The following IFNGR2 variants were observed in gnomAD, a reference collection of about 807,000 sequenced individuals.
IFNGR2 encodes the protein IFN-gamma receptor 2.
A neutral mutation model predicts 41.1 loss-of-function variants in IFNGR2; 15 were observed. That is an observed-to-expected ratio of 0.37 (90% confidence interval 0.24 to 0.56). The LOEUF (loss-of-function observed/expected upper bound fraction) is 0.56, where lower values mean the gene tolerates loss of function less well. IFNGR2 is among the 20% of genes least tolerant of loss of function. The pLI is 0.81. For missense variants in IFNGR2, 362 were observed against 415.7 expected (o/e 0.87, Z 1.12); for synonymous variants, 161 against 171.6 (o/e 0.94, Z 0.48).
chr21:33,411,002 C>T (rs1367661858), intron 1 of IFNGR2: 1 of 822,436 alleles, frequency 1.2e-6, no homozygotes, highest in Non-Finnish European at 2.0e-6. Context: ...GCCATGTGGC[C>T]TGGAACACAG....
At chr21:33,423,955 C>A (rs1007214119) in intron 3 of IFNGR2, among the ~76,000 whole-genome samples, 1 of 151,960 alleles carries the variant, frequency 6.6e-6, no homozygotes, top group African/African-American at 2.4e-5. Context: ...TGCCAAACCA[C>A]CCTCCATTTG....
At chr21:33,413,848 T>TC (rs1486015132) in intron 1 of IFNGR2, among the ~76,000 whole-genome samples, 1 of 147,024 alleles carries the variant, frequency 6.8e-6, no homozygotes, top group Admixed American at 6.8e-5. Flanking sequence ...TTTTTTTTTT[T>TC]TGGAGACAGA....
chr21:33,421,395 C>A, intron 2 of IFNGR2, 85 bp from the exon 3 acceptor site: 1 of 986,534 alleles, frequency 1.0e-6, no homozygotes, highest in Non-Finnish European at 1.6e-6. Flanking sequence ...TCTCAATAAA[C>A]CTGCGTTTTG....
chr21:33,433,978 G>T (rs796602180), intron 6 of IFNGR2, among the ~76,000 whole-genome samples: 9 of 152,156 alleles, frequency 5.9e-5, no homozygotes, highest in African/African-American at 2.2e-4. Flanking sequence ...GGGCCCACAG[G>T]GTGCTTAGGA....
At position 33,426,934 on chromosome 21, in the gene IFNGR2, C is replaced by T. The variant is rs1211518898; in HGVS notation, c.463C>T (p.Leu155Phe). Residue 155 changes from leucine to phenylalanine, a missense_variant, in exon 4 of 7, where the codon CTC (leucine) becomes TTC (phenylalanine). By Grantham distance (22) the Leu-to-Phe change is conservative. Coordinates refer to ENST00000290219, the MANE Select transcript of IFNGR2 (RefSeq NM_005534.4). ...TGAGGTGACCCCAGGAGAAGGCTCC[C>T]TCATCATCAGGTTCTCCTCTCCCTT... is the stretch of plus-strand genomic sequence containing the variant. Reference protein sequence around the residue: ...NIEVTPGEGSLIIRFSSPFDI... With the variant: ...NIEVTPGEGSFIIRFSSPFDI... The T allele has an allele frequency of 1.2e-6, 2 of 1,613,588 alleles. No individual in the cohort carries two copies. Among genetic ancestry groups the T allele is most frequent in the East Asian group, 2.2e-5 (1 of 44,882 alleles).
At chr21:33,431,031 G>C (rs1326647841) in intron 4 of IFNGR2, among the ~76,000 whole-genome samples, 3 of 152,152 alleles carry the variant, frequency 2.0e-5, no homozygotes, top group East Asian at 3.9e-4. Context: ...AAGACCAGGT[G>C]GGGAGGCAGC....
chr21:33,431,516 GC>G (rs2083887452), intron 4 of IFNGR2, among the ~76,000 whole-genome samples: 1 of 152,290 alleles, frequency 6.6e-6, no homozygotes, highest in Admixed American at 6.5e-5. Context: ...GTTGCAGTGA[GC>G]CGAGGTCGCA....
At chr21:33,435,573 G>A (rs902463327) in intron 6 of IFNGR2, among the ~76,000 whole-genome samples, 1 of 152,158 alleles carries the variant, frequency 6.6e-6, no homozygotes, top group Admixed American at 6.6e-5. Context: ...GAGATGAGGG[G>A]TAAGGAGTAT....
chr21:33,425,663 C>T (rs1212179142), intron 3 of IFNGR2, among the ~76,000 whole-genome samples: 2 of 152,228 alleles, frequency 1.3e-5, no homozygotes, highest in Admixed American at 6.5e-5. Context: ...AGTCAATCCA[C>T]AAACATCACT....
intron 1 of IFNGR2, among the ~76,000 whole-genome samples, chr21:33,412,542 G>A (rs1294870152): frequency 2.0e-5 from 3 of 152,134 alleles, no homozygotes; most frequent in African/African-American, 7.2e-5. Flanking sequence ...GAGGACTGTG[G>A]TACCAGAGCA....
chr21:33,436,508 C>T (rs778297834), intron 6 of IFNGR2, among the ~76,000 whole-genome samples: 1 of 151,992 alleles, frequency 6.6e-6, no homozygotes, highest in Non-Finnish European at 1.5e-5. Flanking sequence ...GGATCATTTG[C>T]GATCAGGAGT....
intron 6 of IFNGR2, among the ~76,000 whole-genome samples, chr21:33,433,884 T>TGCTGTCTGGA (rs1294606110): frequency 6.6e-6 from 1 of 152,106 alleles, no homozygotes; most frequent in Non-Finnish European, 1.5e-5. Context: ...AGGTCTCCTC[T>TGCTGTCTGGA]GCTGTCTGGA....
rs144449375 is a variant in IFNGR2, at chr21:33,434,531, AAAT to A, written c.879+1663_879+1665del. On this transcript the variant is annotated intron_variant, in intron 6 of 6. Transcript: ENST00000290219. ...AGCAAGACTCCATCTCAAAAAAATAAAATAAATAAAAAGCATTTGCTTCTGGAG... is the reference window on the plus strand; with the variant it reads ...AGCAAGACTCCATCTCAAAAAAATAAAAATAAAAAGCATTTGCTTCTGGAG... Among the ~76,000 whole-genome samples the A allele has an allele frequency of 1.9e-3, 294 of 152,268 alleles. 3 individuals carry two copies. Among genetic ancestry groups the A allele is most frequent in the Non-Finnish European group, 3.8e-3 (261 of 68,024 alleles).
intron 2 of IFNGR2, among the ~76,000 whole-genome samples, chr21:33,417,167 A>G (rs2083760397): frequency 6.6e-6 from 1 of 151,828 alleles, no homozygotes; most frequent in Non-Finnish European, 1.5e-5. Context: ...TCATGGCTCA[A>G]TGCAGCCACA....
In IFNGR2 at chr21:33,432,852, T is replaced by G. The variant is rs2083902878; in HGVS notation, c.860T>G (p.Ile287Ser). Residue 287 changes from isoleucine to serine, a missense_variant, in exon 6 of 7, where the codon ATC (isoleucine) becomes AGC (serine). By Grantham distance (142) the Ile-to-Ser change is moderately radical. Coordinates refer to ENST00000290219, the MANE Select transcript of IFNGR2 (RefSeq NM_005534.4). ...IKYWFHTPPS[I>S]PLQIEEYLKD... ...TACTGGTTTCACACTCCACCAAGCA[T>G]CCCATTACAGATAGAAGAGGTACGT... The G allele has an allele frequency of 6.2e-7, 1 of 1,612,886 alleles. No individual in the cohort carries two copies. Among genetic ancestry groups the G allele is most frequent in the Non-Finnish European group, 8.5e-7 (1 of 1,179,414 alleles).
chr21:33,425,702 C>T (rs2083830613), intron 3 of IFNGR2, among the ~76,000 whole-genome samples: 1 of 152,216 alleles, frequency 6.6e-6, no homozygotes, highest in Non-Finnish European at 1.5e-5. Context: ...GGCCTGACCT[C>T]ACTTCTGCCA....
upstream of IFNGR2, chr21:33,403,399 CG>C: frequency 3.4e-6 from 1 of 295,828 alleles, no homozygotes; most frequent in Non-Finnish European, 5.3e-6. Context: ...TCCCCTCCAC[CG>C]GGACGCCCCG....
chr21:33,428,352 G>A (rs1399762159), intron 4 of IFNGR2, among the ~76,000 whole-genome samples: 1 of 151,778 alleles, frequency 6.6e-6, no homozygotes, highest in Non-Finnish European at 1.5e-5. Context: ...CACCCGAGTA[G>A]CTGGAACTAC....
At chr21:33,418,983 G>GCAATCCATGTTCTTTATAGAAAATCTGGA (rs2083772170) in intron 2 of IFNGR2, among the ~76,000 whole-genome samples, 1 of 152,080 alleles carries the variant, frequency 6.6e-6, no homozygotes, top group Non-Finnish European at 1.5e-5. Context: ...GATTTTAATA[G>GCAATCCATGTTCTTTATAGAAAATCTGGA]CAATCCATGT....
Sources: gnomAD v4.1 joint callset for allele counts (sites outside exome capture counted in the v4.1 genomes callset) on GRCh38, gnomAD v4.1.1 for gene constraint, MANE v1.5 for transcripts, NCBI Gene and HGNC (gene_info 2026-07-23, HGNC 2026-07-21) for gene names.